The following HNF4A variants were observed in gnomAD, a reference collection of about 807,000 sequenced individuals.
HNF4A encodes the protein hepatocyte nuclear factor 4 alpha.
HNF4A carries 15 observed loss-of-function variants against 52.4 expected under a neutral mutation model. The ratio of observed to expected loss-of-function variants is 0.29; its 90% CI spans 0.19 to 0.44. The LOEUF (loss-of-function observed/expected upper bound fraction) is 0.44, where lower values mean the gene tolerates loss of function less well. Among genes scored for constraint, HNF4A ranks in the 20% least tolerant of loss-of-function variants. The probability of loss-of-function intolerance (pLI) is 1.00; values close to 1 mark genes in which losing one functional copy is unlikely to be tolerated. For missense variants in HNF4A, 479 were observed against 647.2 expected, an observed-to-expected ratio of 0.74 and a Z score of 2.82; for synonymous variants, 280 against 264.4, an observed-to-expected ratio of 1.06 and a Z score of -0.57.
intron 1 of HNF4A, among the ~76,000 whole-genome samples, chr20:44,358,436 C>T (rs2062882296): frequency 1.3e-5 from 2 of 152,028 alleles, no homozygotes; most frequent in Non-Finnish European, 1.5e-5. Context: ...ATGGCAAAAC[C>T]CCGTCTCTAC....
intron 1 of HNF4A, among the ~76,000 whole-genome samples, chr20:44,366,323 T>C (rs1357284155): frequency 6.6e-6 from 1 of 152,008 alleles, no homozygotes; most frequent in Non-Finnish European, 1.5e-5. Flanking sequence ...CTCCTAATTC[T>C]CAAAATGTCC....
chr20:44,382,901 A>G (rs1489211840), intron 1 of HNF4A, among the ~76,000 whole-genome samples: 2 of 152,112 alleles, frequency 1.3e-5, no homozygotes, highest in African/African-American at 4.8e-5. Flanking sequence ...GGGTGGGGTG[A>G]CTCACGTCTG....
intron 1 of HNF4A, among the ~76,000 whole-genome samples, chr20:44,367,047 A>G (rs2062976546): frequency 6.6e-6 from 1 of 152,102 alleles, no homozygotes. Flanking sequence ...TATAAAAATT[A>G]ACTCCTGGCC....
At position 44,429,766 on chromosome 20, in the gene HNF4A, C is replaced by A; in HGVS notation, c.*101C>A. ...GGCAAAGGAAGACGTGATGCCAGGA[C>A]CAGTCCCAGAGCAGGAATGGGAAGG... On this transcript the variant is annotated 3_prime_UTR_variant, in exon 10 of 10. Transcript: ENST00000316099. 2 of 1,239,608 alleles carry A rather than the reference C, an allele frequency of 1.6e-6. No individual in the cohort carries two copies. Among genetic ancestry groups the A allele is most frequent in the Non-Finnish European group, 2.3e-6 (2 of 852,946 alleles). The allele number at this position is 1,239,608 out of a possible 1,614,324, so 76.8% of individuals were successfully genotyped here.
chr20:44,368,160 A>ATTTTTTTTTTTTTT lies in HNF4A; in HGVS notation c.49+12318_49+12331dup. On this transcript the variant is annotated intron_variant, in intron 1 of 9. Coordinates refer to the HNF4A transcript ENST00000316673. ...TATATACATATATATATATATATAT[A>ATTTTTTTTTTTTTT]TTTTTTTTTTTTTTTTTTTTTTTTG... 6.5e-4 allele frequency among the ~76,000 whole-genome samples: 18 copies of ATTTTTTTTTTTTTT among 27,782 alleles called. 4 individuals are homozygous for ATTTTTTTTTTTTTT. The highest frequency in any genetic ancestry group is 4.3e-3 in the Admixed American group (5 of 1,170). 18.2% of individuals were successfully genotyped at this position (27,782 alleles called of 152,430 possible). A position where few individuals can be genotyped will look rare whatever the true frequency, so the allele number is the denominator to read the frequency against.
chr20:44,413,638 C>A, intron 3 of HNF4A, 56 bp from the exon 4 acceptor site: 3 of 1,315,398 alleles, frequency 2.3e-6, no homozygotes, highest in Non-Finnish European at 2.2e-6. Flanking sequence ...CACAGACACC[C>A]CCACCCCCTA....
At chr20:44,359,193 C>T (rs560638730) in intron 1 of HNF4A, among the ~76,000 whole-genome samples, 3 of 152,098 alleles carry the variant, frequency 2.0e-5, no homozygotes, top group South Asian at 4.1e-4. Context: ...CTTAAAACAG[C>T]GCTACAATGA....
intron 1 of HNF4A, among the ~76,000 whole-genome samples, chr20:44,384,073 A>G (rs536071304): frequency 6.7e-6 from 1 of 150,174 alleles, no homozygotes; most frequent in African/African-American, 2.5e-5. Flanking sequence ...CTGGTCTCGA[A>G]CTCCTGACCT....
At chr20:44,405,012 G>A (rs142035214) in intron 1 of HNF4A, among the ~76,000 whole-genome samples, 21,382 of 80,632 alleles carry the variant, frequency 0.27, 874 homozygotes, top group East Asian at 0.44. Context: ...TGGTGTGTGC[G>A]TGTGTGTGGA....
Position 44,406,138 on chromosome 20 carries a change from C to T in HNF4A, c.196C>T (p.Arg66Trp). The change falls in exon 2 of 10, where the codon CGG (arginine) becomes TGG (tryptophan). Residue 66 changes from arginine (R) to tryptophan (W), a missense_variant. By Grantham distance (101) the Arg-to-Trp change is moderately radical (BLOSUM62 -3). This residue lies in a region of HNF4A where 90 missense variants were observed against 105.5 expected (regional missense o/e 0.85). Transcript: ENST00000316099. ...CGCCCTGTGTGCCATCTGCGGGGAC[C>T]GGGCCACGGGCAAACACTACGGTGC... 3.7e-6 allele frequency: 6 copies of T among 1,613,796 alleles called. No individual in the cohort carries two copies. The highest frequency in any genetic ancestry group is 1.1e-5 in the South Asian group (1 of 91,062).
intron 9 of HNF4A, among the ~76,000 whole-genome samples, chr20:44,428,762 G>A (rs2063841979): frequency 6.6e-6 from 1 of 152,210 alleles, no homozygotes; most frequent in African/African-American, 2.4e-5. Context: ...AATTCCATTA[G>A]TTGACATTGT....
intron 1 of HNF4A, chr20:44,402,741 A>G: frequency 1.6e-6 from 1 of 621,176 alleles, no homozygotes; most frequent in South Asian, 1.6e-5. Context: ...CAGCTGGCTG[A>G]GGTCAGCCTG....
At chr20:44,380,934 A>G (rs1245643355) in intron 1 of HNF4A, among the ~76,000 whole-genome samples, 2 of 152,174 alleles carry the variant, frequency 1.3e-5, no homozygotes, top group Admixed American at 6.5e-5. Context: ...TATATGGTGT[A>G]AGGAAAGAGT....
chr20:44,404,862 T>TGTGC (rs1338057949), intron 1 of HNF4A, among the ~76,000 whole-genome samples: 1 of 6,064 alleles, frequency 1.6e-4, no homozygotes, highest in Admixed American at 2.3e-3. Context: ...GTGGTGTGTG[T>TGTGC]GCGCGTGTGT....
At chr20:44,392,083 C>G (rs922596282) in intron 1 of HNF4A, 2 of 152,156 alleles carry the variant, frequency 1.3e-5, no homozygotes, top group African/African-American at 4.8e-5. Flanking sequence ...ACAGAGGAGG[C>G]CTGTCTTCAA....
chr20:44,357,467 C>T (rs551596430), intron 1 of HNF4A, among the ~76,000 whole-genome samples: 2 of 152,102 alleles, frequency 1.3e-5, no homozygotes, highest in African/African-American at 4.8e-5. Flanking sequence ...AGGGGCCAGA[C>T]AGCTTCTGGG....
At chr20:44,372,788 G>C (rs2063046967) in intron 1 of HNF4A, 1 of 152,146 alleles carries the variant, frequency 6.6e-6, no homozygotes, top group Non-Finnish European at 1.5e-5. Flanking sequence ...GGAGAAGATG[G>C]TGTCATGGCT....
intron 1 of HNF4A, among the ~76,000 whole-genome samples, chr20:44,378,930 A>AAAAG (rs1190017349): frequency 2.0e-5 from 3 of 151,382 alleles, no homozygotes; most frequent in East Asian, 3.9e-4. Context: ...AAAAAAAAAA[A>AAAAG]AAAAGAAAAG....
chr20:44,356,714 A>G (rs1201700157), intron 1 of HNF4A, among the ~76,000 whole-genome samples: 1 of 152,236 alleles, frequency 6.6e-6, no homozygotes, highest in African/African-American at 2.4e-5. Flanking sequence ...AAATTCGTGG[A>G]ATGACACAAT....
Sources: allele counts gnomAD v4.1 joint callset (sites outside exome capture counted in the v4.1 genomes callset), GRCh38; gene constraint gnomAD v4.1.1; regional missense constraint gnomAD v4.1.1; transcripts MANE v1.5; gene names NCBI Gene and HGNC (gene_info 2026-07-23, HGNC 2026-07-21).